CAMSAP3: variants seen among roughly 807,000 people sequenced by gnomAD.
CAMSAP3 encodes the protein calmodulin regulated spectrin associated protein family member 3, also known as calmodulin-regulated spectrin-associated protein 3.
Under a neutral mutation model 112.5 loss-of-function variants are expected in CAMSAP3, and 34 were observed. The ratio of observed to expected loss-of-function variants is 0.30; its 90% CI spans 0.23 to 0.40. The LOEUF is 0.40. CAMSAP3 is among the 10% of genes least tolerant of loss of function. CAMSAP3 has a pLI of 1.00. For synonymous variants in CAMSAP3, 868 were observed against 799.8 expected (o/e 1.09, Z -1.44); for missense variants, 1,602 against 1,770.3 (o/e 0.90, Z 1.71).
intron 13 of CAMSAP3, 35 bp from the exon 14 acceptor site, chr19:7,616,488 T>C: frequency 1.4e-6 from 2 of 1,464,518 alleles, no homozygotes. Context: ...GGCAGGGGCT[T>C]CTGGTGGGCA....
rs2030164789 is a variant in CAMSAP3, at chr19:7,605,471, A to G, written c.394A>G (p.Ile132Val). ...VREADLRHQP[I>V]LMGAHLAVID... ...CGAGGCCGACCTGAGGCACCAGCCC[A>G]TTCTCATGGTAGGCCCCGCCACTGC... The change falls in exon 2 of 17, where the codon ATT becomes GTT. Residue 132 changes from isoleucine to valine, a missense_variant. Around this residue, in one of 6 missense-constraint regions of CAMSAP3, gnomAD observed 35 missense variants for 79.8 expected, o/e 0.44. Coordinates refer to ENST00000160298, the MANE Select transcript of CAMSAP3 (RefSeq NM_020902.2). The G allele has an allele frequency of 2.1e-6, 3 of 1,457,924 alleles. No individual in the cohort carries two copies. The highest frequency in any genetic ancestry group is 1.5e-5 in the South Asian group (1 of 67,852). 90.3% of individuals were successfully genotyped at this position (1,457,924 alleles called of 1,614,324 possible). A position where few individuals can be genotyped will look rare whatever the true frequency, so the allele number is the denominator to read the frequency against.
intron 1 of CAMSAP3, among the ~76,000 whole-genome samples, chr19:7,599,296 AC>A (rs2029863167): frequency 1.1e-4 from 2 of 18,174 alleles, no homozygotes; most frequent in Admixed American, 8.1e-4. Context: ...CCACCCACCC[AC>A]CCCACTCATC....
At chr19:7,606,910 C>G (rs1458078661) in intron 4 of CAMSAP3, 1 of 1,287,538 alleles carries the variant, frequency 7.8e-7, no homozygotes, top group Non-Finnish European at 1.1e-6. Flanking sequence ...CCTCTCATAC[C>G]TCCCCAAGCT....
intron 1 of CAMSAP3, among the ~76,000 whole-genome samples, chr19:7,597,985 T>C (rs546454098): frequency 6.6e-6 from 1 of 152,146 alleles, no homozygotes; most frequent in South Asian, 2.1e-4. Context: ...GGAGAAGGGC[T>C]GAAGGAAATG....
chr19:7,597,224 G>A (rs1256160854), intron 1 of CAMSAP3, among the ~76,000 whole-genome samples: 1 of 151,908 alleles, frequency 6.6e-6, no homozygotes, highest in Non-Finnish European at 1.5e-5. Context: ...ACAGCTGTCC[G>A]TCTCCTGGTT....
In CAMSAP3 at chr19:7,612,136, C is replaced by T. The variant is rs2030527416; in HGVS notation, c.1643C>T (p.Pro548Leu). 6.2e-7 allele frequency: 1 copy of T among 1,612,634 alleles called. No individual in the cohort carries two copies. Among genetic ancestry groups the T allele is most frequent in the Non-Finnish European group, 8.5e-7 (1 of 1,179,822 alleles). The part of the protein sequence containing the change: ...SKPPAPSEGS[P>L]KAVASSPAAT... Reference sequence around the variant, plus strand: ...CCGCCAGCCCCATCCGAGGGGTCCCCGAAGGCGGTGGCTTCGTCCCCAGCA... The same window carrying T: ...CCGCCAGCCCCATCCGAGGGGTCCCTGAAGGCGGTGGCTTCGTCCCCAGCA... Residue 548 changes from proline (P) to leucine (L), a missense_variant, in exon 11 of 17, where the codon CCG becomes CTG. Physicochemically the swap from Pro to Leu is moderately conservative, Grantham distance 98. Around this residue, in one of 6 missense-constraint regions of CAMSAP3, gnomAD observed 1,100 missense variants for 1,135.7 expected, o/e 0.97. Coordinates refer to ENST00000160298, the MANE Select transcript of CAMSAP3 (RefSeq NM_020902.2).
chr19:7,603,549 C>T (rs2030064755), intron 1 of CAMSAP3, among the ~76,000 whole-genome samples: 1 of 151,968 alleles, frequency 6.6e-6, no homozygotes. Context: ...ACACAGAACC[C>T]CAATATACAA....
chr19:7,617,252 G>A lies in CAMSAP3; in HGVS notation c.3213-74G>A. On this transcript the variant is annotated intron_variant, in intron 14 of 16. Coordinates refer to ENST00000160298, the MANE Select transcript of CAMSAP3 (RefSeq NM_020902.2). The surrounding 1 kb of genome is among the most constrained non-coding windows in gnomAD (Gnocchi z 7.5). ...TTTTCCTTGGCCCCTCTGCACATAG[G>A]GAAGCTTCCCATCTCTGACCCCACC... 2.9e-6 allele frequency: 3 copies of A among 1,052,366 alleles called. No individual in the cohort carries two copies. Among genetic ancestry groups the A allele is most frequent in the Non-Finnish European group, 4.5e-6 (3 of 671,860 alleles). The allele number at this position is 1,052,366 out of a possible 1,614,324, so 65.2% of individuals were successfully genotyped here. A position where few individuals can be genotyped will look rare whatever the true frequency, so the allele number is the denominator to read the frequency against.
At chr19:7,606,216 C>G in intron 2 of CAMSAP3, 55 bp from the exon 3 acceptor site, 1 of 1,410,816 alleles carries the variant, frequency 7.1e-7, no homozygotes, top group Non-Finnish European at 9.4e-7. Flanking sequence ...CCTTGGGGGC[C>G]GAGGTGCGCC....
At chr19:7,604,045 G>T (rs2030087204) in intron 1 of CAMSAP3, among the ~76,000 whole-genome samples, 1 of 152,192 alleles carries the variant, frequency 6.6e-6, no homozygotes, top group Admixed American at 6.5e-5. Context: ...TGAGGCAGGA[G>T]AATCATTCGA....
Position 7,607,442 on chromosome 19 carries a change from G to C in CAMSAP3, c.622-684G>C, listed in dbSNP as rs2030276724. Reference sequence around the variant, plus strand: ...GTGCTTCATATAAATTACTCCCATAGTAGATAAACAAGGAGGAAGTGGGGG... The same window carrying C: ...GTGCTTCATATAAATTACTCCCATACTAGATAAACAAGGAGGAAGTGGGGG... On this transcript the variant is annotated intron_variant, in intron 4 of 16. Transcript: ENST00000160298. This position sits in a 1 kb window ranked among gnomAD's most constrained non-coding sequence, Gnocchi z 4.9. Among the ~76,000 whole-genome samples the C allele has an allele frequency of 6.6e-6, 1 of 152,178 alleles. No homozygotes were observed. The highest frequency in any genetic ancestry group is 2.4e-5 in the African/African-American group (1 of 41,436).
chr19:7,610,354 A>C lies in CAMSAP3; in HGVS notation c.761-122A>C. On this transcript the variant is annotated intron_variant, in intron 5 of 16. Coordinates refer to ENST00000160298, the MANE Select transcript of CAMSAP3 (RefSeq NM_020902.2). The surrounding 1 kb of genome is among the most constrained non-coding windows in gnomAD (Gnocchi z 4.9). ...AAAAAGAATTCACCTCTCGAAGGGC[A>C]CCTGGCAGAAGCTGGGCTCATAGGA... 2 of 771,992 alleles carry C rather than the reference A, an allele frequency of 2.6e-6. No homozygotes were observed. The highest frequency in any genetic ancestry group is 2.1e-6 in the Non-Finnish European group (1 of 480,334). The allele number at this position is 771,992 out of a possible 1,614,324, so 47.8% of individuals were successfully genotyped here.
At chr19:7,601,505 G>T (rs1022395551) in intron 1 of CAMSAP3, among the ~76,000 whole-genome samples, 2 of 151,868 alleles carry the variant, frequency 1.3e-5, no homozygotes, top group African/African-American at 4.8e-5. Flanking sequence ...TTTTAGTAGA[G>T]GTGGGGTTTC....
rs1167479402 is a variant in CAMSAP3 at position 7,617,443 on chromosome 19, G to A, written c.3325+5G>A. ...CGTCAGTGCCCGAGTACACAGGTAA[G>A]CAGGGGCTCTGGGTGATGTGAGGAG... On this transcript the variant is annotated splice_donor_5th_base_variant and intron_variant, in intron 15 of 16. Coordinates refer to ENST00000160298, the MANE Select transcript of CAMSAP3 (RefSeq NM_020902.2). The surrounding 1 kb of genome is among the most constrained non-coding windows in gnomAD (Gnocchi z 7.5). 6.2e-7 allele frequency: 1 copy of A among 1,613,486 alleles called. No homozygotes were observed. The highest frequency in any genetic ancestry group is 1.7e-5 in the Admixed American group (1 of 60,012).
chr19:7,603,827 C>T (rs2030076656), intron 1 of CAMSAP3, among the ~76,000 whole-genome samples: 1 of 151,934 alleles, frequency 6.6e-6, no homozygotes, highest in African/African-American at 2.4e-5. Flanking sequence ...CCAGCAAAAA[C>T]TCAAACAAAC....
chr19:7,613,785 C>T (rs1223353174), intron 11 of CAMSAP3, among the ~76,000 whole-genome samples: 2 of 152,084 alleles, frequency 1.3e-5, no homozygotes, highest in Non-Finnish European at 2.9e-5. Context: ...CCAGCACGCT[C>T]CTACCACCCC....
At position 7,617,567 on chromosome 19, in the gene CAMSAP3, G is replaced by A. The variant is rs1306406581; in HGVS notation, c.3350G>A (p.Ser1117Asn). 6.2e-7 allele frequency: 1 copy of A among 1,613,960 alleles called. No individual in the cohort carries two copies. Among genetic ancestry groups the A allele is most frequent in the South Asian group, 1.1e-5 (1 of 91,080 alleles). Residue 1117 changes from serine (S) to asparagine (N), a missense_variant, in exon 16 of 17, where the codon AGC becomes AAC. Ser to Asn is a conservative substitution (Grantham distance 46, BLOSUM62 1). Coordinates refer to ENST00000160298, the MANE Select transcript of CAMSAP3 (RefSeq NM_020902.2). This position sits in a 1 kb window ranked among gnomAD's most constrained non-coding sequence, Gnocchi z 7.5. Reference protein sequence around the residue: ...YTGPRLYKEPSAKSNKFIIHN... With the variant: ...YTGPRLYKEPNAKSNKFIIHN... ...GGTCCACGGCTGTACAAAGAACCCA[G>A]CGCCAAGTCCAACAAGTTCATCATC... is the stretch of plus-strand genomic sequence containing the variant.
In CAMSAP3 at chr19:7,617,877, C is replaced by T; in HGVS notation, c.3570C>T (p.Pro1190=). 6.2e-7 allele frequency: 1 copy of T among 1,613,772 alleles called. No homozygotes were observed. The highest frequency in any genetic ancestry group is 8.5e-7 in the Non-Finnish European group (1 of 1,180,008). The change falls in exon 17 of 17, where the codon CCC becomes CCT. Residue 1190 remains proline (P), a synonymous_variant. Transcript: ENST00000160298. This position sits in a 1 kb window ranked among gnomAD's most constrained non-coding sequence, Gnocchi z 7.5. Reference sequence around the variant, plus strand: ...TGTCGCGGCTGGCAGGGTATGGGCCCCGGACCGTCACGCCCGCCATGGTGG... The same window carrying T: ...TGTCGCGGCTGGCAGGGTATGGGCCTCGGACCGTCACGCCCGCCATGGTGG... ...EELSRLAGYG[P]RTVTPAMVEG... is the part of the protein sequence containing the mutation.
At chr19:7,614,143 C>G (rs553204079) in intron 11 of CAMSAP3, among the ~76,000 whole-genome samples, 2 of 150,490 alleles carry the variant, frequency 1.3e-5, no homozygotes, top group East Asian at 4.0e-4. Flanking sequence ...GCATGTAGTC[C>G]CAGCTACTCA....
Sources: gnomAD v4.1 joint callset for allele counts (sites outside exome capture counted in the v4.1 genomes callset) on GRCh38, gnomAD v4.1.1 for gene constraint, gnomAD v4.1.1 regional missense constraint, Gnocchi (gnomAD v3.1) non-coding constraint, MANE v1.5 for transcripts, NCBI Gene and HGNC (gene_info 2026-07-23, HGNC 2026-07-21) for gene names.